Variants in ZNF248 observed in about 807,000 individuals in gnomAD.
ZNF248 encodes KRAB protein domain.
Under a neutral mutation model 44.3 loss-of-function variants are expected in ZNF248, and 20 were observed. The ratio of observed to expected loss-of-function variants is 0.45; its 90% CI spans 0.32 to 0.66. ZNF248 has a LOEUF of 0.66. ZNF248 is among the 30% of genes least tolerant of loss of function. ZNF248 has a pLI of 0.04. For missense variants in ZNF248, 654 were observed against 677.0 expected, an observed-to-expected ratio of 0.97 and a Z score of 0.38; for synonymous variants, 224 against 229.0, an observed-to-expected ratio of 0.98 and a Z score of 0.20.
chr10:37,799,427 C>A (rs914607499), intron 6 of ZNF248, among the ~76,000 whole-genome samples: 1 of 152,046 alleles, frequency 6.6e-6, no homozygotes, highest in South Asian at 2.1e-4. Context: ...AGCGTGATTG[C>A]GCACGCCTGT....
downstream of ZNF248, among the ~76,000 whole-genome samples, chr10:37,774,249 G>C (rs1341869406): frequency 6.6e-6 from 1 of 152,138 alleles, no homozygotes; most frequent in Admixed American, 6.5e-5. Context: ...ATACATTTCT[G>C]TTAACAGAAC....
chr10:37,770,454 C>G, the ZNF248 span, among the ~76,000 whole-genome samples: 1 of 152,280 alleles, frequency 6.6e-6, no homozygotes, highest in South Asian at 2.1e-4. Flanking sequence ...ACAGAGCCCT[C>G]AGAAATAATG....
intron 6 of ZNF248, chr10:37,820,748 T>C (rs761417096): frequency 3.1e-6 from 4 of 1,307,510 alleles, no homozygotes; most frequent in Non-Finnish European, 4.4e-6. Context: ...GTTGGAAGAC[T>C]CACTATTAAG....
At chr10:37,846,904 G>A (rs1373901782) in intron 3 of ZNF248, among the ~76,000 whole-genome samples, 1 of 152,112 alleles carries the variant, frequency 6.6e-6, no homozygotes, top group Non-Finnish European at 1.5e-5. Flanking sequence ...AAGTCTTAAA[G>A]ATAAAAGACA....
chr10:37,839,974 A>G (rs2058042498), intron 3 of ZNF248, among the ~76,000 whole-genome samples: 2 of 152,248 alleles, frequency 1.3e-5, no homozygotes, highest in Admixed American at 1.3e-4. Context: ...CTATCATAAA[A>G]AACACATGTT....
downstream of ZNF248, among the ~76,000 whole-genome samples, chr10:37,826,328 CAG>C (rs1177293509): frequency 1.3e-5 from 2 of 152,142 alleles, no homozygotes; most frequent in Admixed American, 1.3e-4. Flanking sequence ...AACACATTTT[CAG>C]AGAGTGTAAC....
At chr10:37,827,504 G>T (rs947335196), downstream of ZNF248, among the ~76,000 whole-genome samples, 2 of 152,204 alleles carry the variant, frequency 1.3e-5, no homozygotes, top group African/African-American at 4.8e-5. Context: ...GTCTAGGAGA[G>T]ACATTGGTTC....
intron 6 of ZNF248, among the ~76,000 whole-genome samples, chr10:37,816,677 A>G (rs2052522793): frequency 6.6e-6 from 1 of 152,052 alleles, no homozygotes. Context: ...GTACCCTTAG[A>G]TTTGACCTTT....
Position 37,831,043 on chromosome 10 carries a change from C to T in ZNF248, c.*572G>A. 6 of 1,078,658 alleles carry T rather than the reference C, an allele frequency of 5.6e-6. No homozygotes were observed. The highest frequency in any genetic ancestry group is 3.1e-5 in the South Asian group (1 of 32,008). 66.8% of individuals were successfully genotyped at this position (1,078,658 alleles called of 1,614,324 possible). A position where few individuals can be genotyped will look rare whatever the true frequency, so the allele number is the denominator to read the frequency against. On this transcript the variant is annotated 3_prime_UTR_variant, in exon 6 of 6. Coordinates refer to ENST00000395867, the MANE Select transcript of ZNF248 (RefSeq NM_021045.3). ...GTGTAGAAATATATTTACATATACA[C>T]ACAAACATATGTACATACACATATA...
chr10:37,842,083 G>C (rs1470815307), intron 3 of ZNF248, among the ~76,000 whole-genome samples: 1 of 152,138 alleles, frequency 6.6e-6, no homozygotes, highest in African/African-American at 2.4e-5. Context: ...CATTAATTGT[G>C]ACAAATGTAC....
At chr10:37,764,123 T>G in the ZNF248 span, among the ~76,000 whole-genome samples, 5 of 152,168 alleles carry the variant, frequency 3.3e-5, no homozygotes, top group African/African-American at 7.2e-5. Flanking sequence ...CAAAAGCAAA[T>G]AGGAGAAATA....
At chr10:37,842,754 T>C (rs895961402) in intron 3 of ZNF248, among the ~76,000 whole-genome samples, 16 of 152,310 alleles carry the variant, frequency 1.1e-4, no homozygotes, top group Non-Finnish European at 1.3e-4. Flanking sequence ...TTGAGACATA[T>C]AGTATACCAC....
At chr10:37,806,403 C>T (rs895936039) in intron 6 of ZNF248, among the ~76,000 whole-genome samples, 2 of 152,070 alleles carry the variant, frequency 1.3e-5, no homozygotes, top group African/African-American at 4.8e-5. Flanking sequence ...CTTTCTTTCT[C>T]CCTCCCTTCC....
intron 3 of ZNF248, among the ~76,000 whole-genome samples, chr10:37,852,376 C>A (rs2060426938): frequency 6.6e-6 from 1 of 152,050 alleles, no homozygotes; most frequent in African/African-American, 2.4e-5. Flanking sequence ...AAGCTAACCC[C>A]AAGAGGTTAA....
intron 6 of ZNF248, among the ~76,000 whole-genome samples, chr10:37,789,156 T>C (rs2048227762): frequency 6.6e-6 from 1 of 152,144 alleles, no homozygotes; most frequent in African/African-American, 2.4e-5. Context: ...TGACAGCATA[T>C]TGGCGTGAAG....
intron 6 of ZNF248, among the ~76,000 whole-genome samples, chr10:37,821,820 A>G (rs553481572): frequency 6.6e-6 from 1 of 152,164 alleles, no homozygotes; most frequent in African/African-American, 2.4e-5. Context: ...ATCTACTATA[A>G]GCTAATCTCA....
chr10:37,824,383 T>C (rs1400550051), downstream of ZNF248, among the ~76,000 whole-genome samples: 2 of 152,124 alleles, frequency 1.3e-5, no homozygotes, highest in Non-Finnish European at 2.9e-5. Context: ...AGAAGAATGT[T>C]AGACCAAGCA....
At chr10:37,837,533 A>G in intron 5 of ZNF248, 84 bp downstream of exon 5, 1 of 1,156,656 alleles carries the variant, frequency 8.6e-7, no homozygotes, top group African/African-American at 1.5e-5. Context: ...TTTGTGAAAA[A>G]TATTCCAAAG....
intron 6 of ZNF248, among the ~76,000 whole-genome samples, chr10:37,789,317 A>G (rs1279395748): frequency 2.6e-5 from 4 of 152,166 alleles, no homozygotes; most frequent in Admixed American, 2.0e-4. Flanking sequence ...TAAAAAGCCA[A>G]TGGAGACTGC....
Sources: gnomAD v4.1 joint callset for allele counts (sites outside exome capture counted in the v4.1 genomes callset) on GRCh38, gnomAD v4.1.1 for gene constraint, MANE v1.5 for transcripts, NCBI Gene and HGNC (gene_info 2026-07-23, HGNC 2026-07-21) for gene names.